Variants in ERCC1 observed in about 807,000 individuals in gnomAD.
ERCC1 encodes ERCC excision repair 1, endonuclease non-catalytic subunit, also known as DNA excision repair protein ERCC-1.
In ERCC1, 36 loss-of-function variants were observed where a neutral mutation model predicts 37.6. That is an observed-to-expected ratio of 0.96 (90% CI 0.73 to 1.26). The LOEUF is 1.26. Among genes scored for constraint, ERCC1 ranks in the 50% most tolerant of loss-of-function variants. ERCC1 has a pLI of 0.00. For synonymous variants in ERCC1, 156 were observed against 162.1 expected (o/e 0.96, Z 0.28); for missense variants, 349 against 376.5 (o/e 0.93, Z 0.60).
chr19:45,423,241 C>G, intron 2 of ERCC1, 29 bp downstream of exon 2: 1 of 1,599,100 alleles, frequency 6.3e-7, no homozygotes, highest in Non-Finnish European at 8.5e-7. Context: ...CCCCCAGCCT[C>G]CCAGGGGCCC....
At position 45,434,705 on chromosome 19, in the gene ERCC1, C is replaced by A. The variant is rs567548240; in HGVS notation, c.-7-11324G>T. The stretch of plus-strand genomic sequence containing the variant: ...GGTTCAAGCAATTCTCCTGCCTCAG[C>A]CTCCCGAGCAGCTGGGACTACAGGC... On this transcript the variant is annotated intron_variant, in intron 1 of 8. Transcript: ENST00000423698. 7.2e-5 allele frequency among the ~76,000 whole-genome samples: 11 copies of A among 152,190 alleles called. No individual in the cohort carries two copies. In the South Asian group the frequency reaches 1.5e-3, roughly 20 times the overall value.
chr19:45,446,520 C>G (rs1966946958), intron 1 of ERCC1, among the ~76,000 whole-genome samples: 1 of 152,162 alleles, frequency 6.6e-6, no homozygotes, highest in Admixed American at 6.6e-5. Context: ...CTTAACTTGC[C>G]TAAGGTCTCA....
At chr19:45,418,791 C>G (rs1974218460) in intron 5 of ERCC1, among the ~76,000 whole-genome samples, 1 of 152,176 alleles carries the variant, frequency 6.6e-6, no homozygotes, top group Non-Finnish European at 1.5e-5. Flanking sequence ...TCATTGCACT[C>G]CAGCCTGGGC....
rs774275993 is a variant in ERCC1, at chr19:45,420,399, C to A, written c.350G>T (p.Arg117Leu). The A allele has an allele frequency of 1.9e-6, 3 of 1,613,330 alleles. No homozygotes were observed. Among genetic ancestry groups the A allele is most frequent in the South Asian group, 1.1e-5 (1 of 90,924 alleles). Residue 117 changes from arginine to leucine, a missense_variant, in exon 4 of 10, where the codon CGC becomes CTC. Coordinates refer to ENST00000300853, the MANE Select transcript of ERCC1 (RefSeq NM_001983.4). The surrounding 1 kb of genome is among the most constrained non-coding windows in gnomAD (Gnocchi z 4.8). ...QRGNPVLKFV[R>L]NVPWEFGDVI... ...GTCGCCAAATTCCCAGGGCACATTG[C>A]GCACGAACTTCAGTACGGGATTGCC...
At chr19:45,421,426 G>A in intron 2 of ERCC1, 33 bp from the exon 3 acceptor site, 1 of 1,524,880 alleles carries the variant, frequency 6.6e-7, no homozygotes, top group Non-Finnish European at 9.0e-7. Context: ...CAGGGGACTG[G>A]TTGGGGTGAG....
At chr19:45,449,219 A>T (rs576833373) in intron 1 of ERCC1, 1 of 152,232 alleles carries the variant, frequency 6.6e-6, no homozygotes, top group Non-Finnish European at 1.5e-5. Context: ...TTCCAACCAC[A>T]TCTGCTAGTG....
At chr19:45,419,310 G>A (rs1974258668) in intron 4 of ERCC1, 113 bp from the exon 5 acceptor site, 4 of 771,994 alleles carry the variant, frequency 5.2e-6, no homozygotes, top group East Asian at 5.4e-5. Flanking sequence ...GGGGGACAGA[G>A]GGTCCTGAGG....
intron 1 of ERCC1, among the ~76,000 whole-genome samples, chr19:45,441,044 C>T (rs1447518291): frequency 6.6e-6 from 1 of 152,196 alleles, no homozygotes; most frequent in Non-Finnish European, 1.5e-5. Context: ...AGCCCGCCTC[C>T]ACTAAGATTC....
chr19:45,417,362 G>A (rs1974127093), intron 5 of ERCC1, among the ~76,000 whole-genome samples: 1 of 152,176 alleles, frequency 6.6e-6, no homozygotes, highest in Non-Finnish European at 1.5e-5. Flanking sequence ...AGGAGGGACT[G>A]AGCCTGCCTG....
At chr19:45,424,133 TC>T (rs1482000822), upstream of ERCC1, 1 of 874,468 alleles carries the variant, frequency 1.1e-6, no homozygotes, top group Non-Finnish European at 1.4e-6. Flanking sequence ...TCGCAGGAGA[TC>T]CAACTTGGTC....
At chr19:45,413,378 C>T in intron 9 of ERCC1, 1 of 603,938 alleles carries the variant, frequency 1.7e-6, no homozygotes, top group Non-Finnish European at 2.9e-6. Context: ...GCGATCCTCC[C>T]ACCTCAGTCT....
Position 45,414,861 on chromosome 19 carries a change from C to G in ERCC1, c.702G>C (p.Arg234=). The G allele has an allele frequency of 6.2e-7, 1 of 1,611,624 alleles. No homozygotes were observed. The highest frequency in any genetic ancestry group is 8.5e-7 in the Non-Finnish European group (1 of 1,177,988). Residue 234 remains arginine, a splice_region_variant and synonymous_variant, in exon 7 of 10, where the codon CGG becomes CGC. Transcript: ENST00000300853. ...MEKLEQDFVS[R]VTECLTTVKS... ...GGGATGGGAGGTGAGGTGGCCTCACCCGGGAGACGAAGTCCTGCTCTAGCT... is the reference window on the plus strand; with the variant it reads ...GGGATGGGAGGTGAGGTGGCCTCACGCGGGAGACGAAGTCCTGCTCTAGCT...
intron 1 of ERCC1, among the ~76,000 whole-genome samples, chr19:45,440,057 C>G (rs1173725690): frequency 6.6e-6 from 1 of 152,028 alleles, no homozygotes; most frequent in Non-Finnish European, 1.5e-5. Context: ...GCAGCCCGGC[C>G]GAGCAGGCGC....
At chr19:45,418,175 G>A (rs143083510) in intron 5 of ERCC1, among the ~76,000 whole-genome samples, 12 of 151,518 alleles carry the variant, frequency 7.9e-5, no homozygotes, top group African/African-American at 2.9e-4. Flanking sequence ...TGGTGAAACC[G>A]CATCTCTACT....
upstream of ERCC1, among the ~76,000 whole-genome samples, chr19:45,427,770 G>GC (rs1974730838): frequency 6.6e-6 from 1 of 152,176 alleles, no homozygotes; most frequent in African/African-American, 2.4e-5. Context: ...TGCGTTTTCT[G>GC]CAAGGGGGCG....
At chr19:45,441,103 G>A (rs1406149699) in intron 1 of ERCC1, among the ~76,000 whole-genome samples, 1 of 152,164 alleles carries the variant, frequency 6.6e-6, no homozygotes, top group East Asian at 1.9e-4. Flanking sequence ...CCAGGCCTTG[G>A]GAACAGTCAG....
In ERCC1 at chr19:45,439,678, GC is replaced by G. The variant is rs551728391; in HGVS notation, c.-7-16298del. Among the ~76,000 whole-genome samples the G allele has an allele frequency of 6.2e-3, 943 of 152,068 alleles. 3 individuals are homozygous for G. The highest frequency in any genetic ancestry group is 0.014 in the Admixed American group (209 of 15,286). ...ACTCCGCCGTCGGCTCTGAACCCCG[GC>G]GGACGCGTCCCGACGCCCCTGGAAG... On this transcript the variant is annotated intron_variant, in intron 1 of 8. Coordinates refer to the ERCC1 transcript ENST00000423698.
Position 45,409,487 on chromosome 19 carries a change from C to G in ERCC1, c.*188G>C, listed in dbSNP as rs1178992969. The G allele has an allele frequency of 6.2e-7, 1 of 1,608,492 alleles. No homozygotes were observed. Among genetic ancestry groups the G allele is most frequent in the Non-Finnish European group, 8.5e-7 (1 of 1,178,272 alleles). ...GGACAAGAAGCGGAAGCAGCAGCAG[C>G]AGCAGCCTGTGTAGTCTGCCCCCGG... is the stretch of plus-strand genomic sequence containing the variant. On this transcript the variant is annotated 3_prime_UTR_variant, in exon 10 of 10. Coordinates refer to ENST00000300853, the MANE Select transcript of ERCC1 (RefSeq NM_001983.4).
rs995181570 is a variant in ERCC1, at chr19:45,423,388, G to A, written c.-7-7C>T. On this transcript the variant is annotated splice_polypyrimidine_tract_variant and splice_region_variant and intron_variant, in intron 1 of 9. Coordinates refer to ENST00000300853, the MANE Select transcript of ERCC1 (RefSeq NM_001983.4). The stretch of plus-strand genomic sequence containing the variant: ...CCCAGGGTCCATCTGGAGCCTGAAA[G>A]GGAAGGTGCCAGGAGCGAGTGAGCC... 2.5e-6 allele frequency: 4 copies of A among 1,607,364 alleles called. No individual in the cohort carries two copies. The South Asian group carries it at 3.3e-5, about 13-fold the overall frequency.
Sources: gnomAD v4.1 joint callset for allele counts (sites outside exome capture counted in the v4.1 genomes callset) on GRCh38, gnomAD v4.1.1 for gene constraint, Gnocchi (gnomAD v3.1) non-coding constraint, MANE v1.5 for transcripts, NCBI Gene and HGNC (gene_info 2026-07-23, HGNC 2026-07-21) for gene names.